The following ADCY10 variants were observed in gnomAD, a reference collection of about 807,000 sequenced individuals.
The protein encoded by ADCY10 is adenylate cyclase type 10.
A neutral mutation model predicts 183.3 loss-of-function variants in ADCY10; 156 were observed. The observed-to-expected ratio is 0.85, with a 90% CI of 0.75 to 0.97. The LOEUF (loss-of-function observed/expected upper bound fraction) is 0.97. Ranked by LOEUF, ADCY10 falls within the 50% of genes least tolerant of loss-of-function variation. The pLI, the probability that ADCY10 is intolerant of heterozygous loss-of-function variation, is 0.00. For synonymous variants in ADCY10, 645 were observed against 670.0 expected, an observed-to-expected ratio of 0.96 and a Z score of 0.58; for missense variants, 1,745 against 1,934.3, an observed-to-expected ratio of 0.90 and a Z score of 1.84.
At chr1:167,866,843 G>C (rs1666734704) in intron 14 of ADCY10, among the ~76,000 whole-genome samples, 1 of 151,974 alleles carries the variant, frequency 6.6e-6, no homozygotes, top group Admixed American at 6.5e-5. Context: ...AAGGCCAGTG[G>C]CCTATCTCTC....
chr1:167,908,310 C>G (rs1033020829), intron 1 of ADCY10, among the ~76,000 whole-genome samples: 5 of 152,032 alleles, frequency 3.3e-5, no homozygotes, highest in African/African-American at 1.2e-4. Context: ...CACAGAAAGA[C>G]AAAAATATTG....
chr1:167,820,378 C>T (rs1662824340), intron 30 of ADCY10: 4 of 589,800 alleles, frequency 6.8e-6, no homozygotes, highest in Non-Finnish European at 1.1e-5. Flanking sequence ...CCTCGCCTAG[C>T]CCGCCTGGCT....
chr1:167,912,087 A>G (rs572752075), intron 1 of ADCY10, among the ~76,000 whole-genome samples: 1 of 152,338 alleles, frequency 6.6e-6, no homozygotes, highest in South Asian at 2.1e-4. Context: ...AACATCACAA[A>G]ATGATTAGTG....
At chr1:167,814,822 T>G (rs1263758043) in intron 31 of ADCY10, among the ~76,000 whole-genome samples, 1 of 151,756 alleles carries the variant, frequency 6.6e-6, no homozygotes, top group African/African-American at 2.4e-5. Flanking sequence ...CTATGTGTAT[T>G]TGGATCACAA....
chr1:167,824,418 A>G, intron 28 of ADCY10, 58 bp downstream of exon 28: 1 of 1,437,572 alleles, frequency 7.0e-7, no homozygotes, highest in Non-Finnish European at 9.8e-7. Context: ...TTGAACCCAG[A>G]ATACTCAATA....
chr1:167,882,146 C>G (rs1429267253), intron 9 of ADCY10, among the ~76,000 whole-genome samples: 1 of 152,180 alleles, frequency 6.6e-6, no homozygotes, highest in African/African-American at 2.4e-5. Flanking sequence ...ACATATGCAT[C>G]TGTGGTCATT....
At chr1:167,824,963 A>T in intron 26 of ADCY10, 108 bp from the exon 27 acceptor site, 3 of 1,148,544 alleles carry the variant, frequency 2.6e-6, no homozygotes, top group Non-Finnish European at 3.9e-6. Flanking sequence ...TTGGGAATAG[A>T]GCTGGACATT....
intron 6 of ADCY10, among the ~76,000 whole-genome samples, chr1:167,898,899 G>A (rs560254470): frequency 1.6e-4 from 25 of 152,192 alleles, no homozygotes; most frequent in African/African-American, 5.3e-4. Context: ...ATATCCCAGG[G>A]ACAGTTCTGC....
Position 167,848,224 on chromosome 1 carries a change from T to G in ADCY10, c.2437+137A>C. ...GGTGTGTGCCTGGCTAATTTTTTTGTATTTTTAGTAGATACGGGGTTTCAC... is the reference window on the plus strand; with the variant it reads ...GGTGTGTGCCTGGCTAATTTTTTTGGATTTTTAGTAGATACGGGGTTTCAC... On this transcript the variant is annotated intron_variant, in intron 19 of 32. Coordinates refer to ENST00000367851, the MANE Select transcript of ADCY10 (RefSeq NM_018417.6). 4.6e-6 allele frequency: 3 copies of G among 648,050 alleles called. No homozygotes were observed. In the South Asian group the frequency reaches 5.3e-5, roughly 11 times the overall value. The allele number at this position is 648,050 out of a possible 1,614,324, so 40.1% of individuals were successfully genotyped here. A position where few individuals can be genotyped will look rare whatever the true frequency, so the allele number is the denominator to read the frequency against.
At chr1:167,812,642 A>G (rs1323499614) in intron 31 of ADCY10, among the ~76,000 whole-genome samples, 1 of 152,152 alleles carries the variant, frequency 6.6e-6, no homozygotes, top group African/African-American at 2.4e-5. Flanking sequence ...GGCTCATCCC[A>G]AGGGGGAAAA....
At chr1:167,840,375 T>TTTTTTTG (rs58855115) in intron 21 of ADCY10, among the ~76,000 whole-genome samples, 2 of 151,844 alleles carry the variant, frequency 1.3e-5, no homozygotes, top group African/African-American at 2.4e-5. Flanking sequence ...CTATTTTTTT[T>TTTTTTTG]GGATGGAGTT....
chr1:167,824,344 A>G, intron 28 of ADCY10, 132 bp downstream of exon 28: 1 of 801,116 alleles, frequency 1.2e-6, no homozygotes, highest in Admixed American at 1.7e-5. Flanking sequence ...AAGGGTGACT[A>G]CTATCAGTTA....
rs576044594 is a variant in ADCY10, at chr1:167,904,615, A to G, written c.148+378T>C. On this transcript the variant is annotated intron_variant, in intron 2 of 32. Transcript: ENST00000367851. ...ACACACATTTCAAACACTTCTGAAG[A>G]GGTGGCAAGTTTATTAGTAAGATGT... is the stretch of plus-strand genomic sequence containing the variant. The G allele has an allele frequency of 5.8e-6, 3 of 517,908 alleles. No individual in the cohort carries two copies. In the Admixed American group the frequency reaches 1.0e-4, roughly 17 times the overall value. The allele number at this position is 517,908 out of a possible 1,614,324, so 32.1% of individuals were successfully genotyped here. A position where few individuals can be genotyped will look rare whatever the true frequency, so the allele number is the denominator to read the frequency against.
chr1:167,889,272 T>A (rs1184081982), intron 8 of ADCY10, among the ~76,000 whole-genome samples: 1 of 152,170 alleles, frequency 6.6e-6, no homozygotes, highest in Non-Finnish European at 1.5e-5. Flanking sequence ...TTTTGGGAAT[T>A]TTTATCATGA....
intron 26 of ADCY10, 39 bp from the exon 27 acceptor site, chr1:167,824,894 A>C (rs753807275): frequency 4.5e-6 from 7 of 1,569,658 alleles, no homozygotes; most frequent in South Asian, 3.3e-5. Context: ...GGCAGAACGC[A>C]AAGCAGAAAG....
At chr1:167,854,259 A>G (rs1237368513) in intron 18 of ADCY10, 94 bp downstream of exon 18, 1 of 1,457,380 alleles carries the variant, frequency 6.9e-7, no homozygotes, top group African/African-American at 1.4e-5. Context: ...TACAGGAAGC[A>G]GCCTGTGGAA....
rs776519854 is a variant in ADCY10 at position 167,901,816 on chromosome 1, A to AGG, written c.293-12_293-11insCC. 6.2e-7 allele frequency: 1 copy of AGG among 1,614,182 alleles called. No homozygotes were observed. Among genetic ancestry groups the AGG allele is most frequent in the East Asian group, 2.2e-5 (1 of 44,878 alleles). ...CTAGCAGTGCATCACCTTCAGAGAG[A>AGG]GACATGCCGCGGGCTTTTGACCTGC... On this transcript the variant is annotated splice_polypyrimidine_tract_variant and intron_variant, in intron 4 of 32. Transcript: ENST00000367851.
intron 14 of ADCY10, 44 bp downstream of exon 14, chr1:167,870,213 G>A (rs1213152456): frequency 1.2e-6 from 2 of 1,610,124 alleles, no homozygotes; most frequent in Non-Finnish European, 1.7e-6. Context: ...AAATAAATCA[G>A]GATTCTATGG....
chr1:167,902,848 AG>A (rs1391143102), intron 3 of ADCY10, among the ~76,000 whole-genome samples: 1 of 152,266 alleles, frequency 6.6e-6, no homozygotes, highest in African/African-American at 2.4e-5. Flanking sequence ...TAAGTGCTTC[AG>A]CATCCATCAT....
Sources: allele counts gnomAD v4.1 joint callset (sites outside exome capture counted in the v4.1 genomes callset), GRCh38; gene constraint gnomAD v4.1.1; transcripts MANE v1.5; gene names NCBI Gene and HGNC (gene_info 2026-07-23, HGNC 2026-07-21).